Variants in PDCD6IP observed in about 807,000 individuals in gnomAD.
PDCD6IP encodes the protein programmed cell death 6-interacting protein.
Under a neutral mutation model 103.7 loss-of-function variants are expected in PDCD6IP, and 43 were observed. That is an observed-to-expected ratio of 0.41 (90% CI 0.32 to 0.53). PDCD6IP has a LOEUF of 0.53. Ranked by LOEUF, PDCD6IP falls within the 20% of genes least tolerant of loss-of-function variation. PDCD6IP has a pLI of 0.16. For synonymous variants in PDCD6IP, 354 were observed against 378.7 expected, an observed-to-expected ratio of 0.93 and a Z score of 0.76; for missense variants, 871 against 1,036.7, an observed-to-expected ratio of 0.84 and a Z score of 2.20.
At position 33,844,191 on chromosome 3, in the gene PDCD6IP, C is replaced by A; in HGVS notation, c.1439C>A (p.Pro480Gln). The change falls in exon 11 of 18, where the codon CCA becomes CAA. Residue 480 changes from proline (P) to glutamine (Q), a missense_variant. Physicochemically the swap from Pro to Gln is moderately conservative, Grantham distance 76. Around this residue, in one of 5 missense-constraint regions of PDCD6IP, gnomAD observed 266 missense variants for 390.5 expected, o/e 0.68. Transcript: ENST00000307296. Reference protein sequence around the residue: ...AKFKERWQRTPSNELYKPLRA... With the variant: ...AKFKERWQRTQSNELYKPLRA... Reference sequence around the variant, plus strand: ...TTTAAGGAACGTTGGCAAAGGACACCATCCAATGAACTGTATAAGCCTTTA... The same window carrying A: ...TTTAAGGAACGTTGGCAAAGGACACAATCCAATGAACTGTATAAGCCTTTA... 6.2e-7 allele frequency: 1 copy of A among 1,602,630 alleles called. No homozygotes were observed. Among genetic ancestry groups the A allele is most frequent in the Non-Finnish European group, 8.5e-7 (1 of 1,176,576 alleles).
rs1041600689 is a variant in PDCD6IP, at chr3:33,806,633, A to G, written c.210-5439A>G. On this transcript the variant is annotated intron_variant, in intron 1 of 17. Coordinates refer to ENST00000307296, the MANE Select transcript of PDCD6IP (RefSeq NM_013374.6). ...CCTACTTATACAAAACTTGCAGCCT[A>G]GGTCTACTTTGTTAGAGATACATCC... is the stretch of plus-strand genomic sequence containing the variant. Among the ~76,000 whole-genome samples the G allele has an allele frequency of 3.3e-5, 5 of 152,316 alleles. No individual in the cohort carries two copies. The South Asian group carries it at 8.3e-4, about 25-fold the overall frequency.
At chr3:33,826,336 T>C in intron 5 of PDCD6IP, 144 bp from the exon 6 acceptor site, 1 of 612,000 alleles carries the variant, frequency 1.6e-6, no homozygotes, top group Non-Finnish European at 2.8e-6. Flanking sequence ...ATTTTGTCTG[T>C]TCTAAATTTT....
intron 1 of PDCD6IP, among the ~76,000 whole-genome samples, chr3:33,802,545 A>C (rs1410429893): frequency 1.4e-5 from 2 of 147,714 alleles, no homozygotes; most frequent in East Asian, 2.0e-4. Flanking sequence ...GCTGGAGTGC[A>C]GTGGCATGAT....
At chr3:33,808,952 T>C (rs1239335940) in intron 1 of PDCD6IP, among the ~76,000 whole-genome samples, 1 of 152,204 alleles carries the variant, frequency 6.6e-6, no homozygotes, top group South Asian at 2.1e-4. Context: ...TCCCAGGGTA[T>C]TGGCACTTGA....
At position 33,821,048 on chromosome 3, in the gene PDCD6IP, T is replaced by C. The variant is rs182014842; in HGVS notation, c.335-907T>C. Among the ~76,000 whole-genome samples the C allele has an allele frequency of 3.9e-5, 6 of 152,290 alleles. No individual in the cohort carries two copies. The East Asian group carries it at 7.7e-4, about 20-fold the overall frequency. ...TTGAGACAGGGTCTTGCTCTGACGC[T>C]CAGGGTGAAGTGTAGTGGCATGATC... On this transcript the variant is annotated intron_variant, in intron 3 of 17. Coordinates refer to ENST00000307296, the MANE Select transcript of PDCD6IP (RefSeq NM_013374.6).
At chr3:33,841,629 G>A (rs1461809454) in intron 9 of PDCD6IP, among the ~76,000 whole-genome samples, 2 of 150,778 alleles carry the variant, frequency 1.3e-5, no homozygotes, top group Non-Finnish European at 3.0e-5. Context: ...TAGTAGAGAC[G>A]GGGTTTCACC....
chr3:33,841,110 C>G (rs924520899), intron 9 of PDCD6IP, among the ~76,000 whole-genome samples: 3 of 151,312 alleles, frequency 2.0e-5, no homozygotes, highest in Admixed American at 6.6e-5. Flanking sequence ...TCACTGCAAC[C>G]TTCGCCTCCC....
intron 4 of PDCD6IP, among the ~76,000 whole-genome samples, chr3:33,822,293 A>T (rs1697010600): frequency 6.6e-6 from 1 of 152,220 alleles, no homozygotes; most frequent in Non-Finnish European, 1.5e-5. Context: ...TATACCGAGC[A>T]CCTAGCACAG....
chr3:33,823,868 A>G (rs1697050962), intron 4 of PDCD6IP, among the ~76,000 whole-genome samples: 1 of 152,198 alleles, frequency 6.6e-6, no homozygotes, highest in Non-Finnish European at 1.5e-5. Flanking sequence ...TAGTTAGTAT[A>G]TGAGATTTTA....
intron 1 of PDCD6IP, among the ~76,000 whole-genome samples, chr3:33,802,823 T>C (rs1335378074): frequency 6.6e-6 from 1 of 152,190 alleles, no homozygotes; most frequent in Non-Finnish European, 1.5e-5. Context: ...TGAACCTACC[T>C]TCAGAGTAGA....
At chr3:33,816,242 C>T (rs1192109195) in intron 3 of PDCD6IP, among the ~76,000 whole-genome samples, 1 of 152,116 alleles carries the variant, frequency 6.6e-6, no homozygotes, top group South Asian at 2.1e-4. Flanking sequence ...TGCGGTGGCT[C>T]ACGCCTGTAA....
intron 9 of PDCD6IP, among the ~76,000 whole-genome samples, chr3:33,838,750 GTA>G (rs890070911): frequency 8.0e-5 from 12 of 150,336 alleles, no homozygotes; most frequent in Admixed American, 2.6e-4. Flanking sequence ...ATTATTATAT[GTA>G]TATGTGTGTG....
chr3:33,861,679 TGA>T (rs1697959586), intron 15 of PDCD6IP, among the ~76,000 whole-genome samples: 1 of 152,238 alleles, frequency 6.6e-6, no homozygotes, highest in Admixed American at 6.5e-5. Context: ...TAGCAATATA[TGA>T]GAGTCCTGGT....
chr3:33,846,685 TAG>T (rs1697599839), intron 12 of PDCD6IP, among the ~76,000 whole-genome samples: 1 of 152,200 alleles, frequency 6.6e-6, no homozygotes, highest in Non-Finnish European at 1.5e-5. Flanking sequence ...TGGCTGTGTC[TAG>T]AGAGTTATCC....
chr3:33,816,646 G>GA (rs1316530758), intron 3 of PDCD6IP, among the ~76,000 whole-genome samples: 1 of 152,048 alleles, frequency 6.6e-6, no homozygotes, highest in Non-Finnish European at 1.5e-5. Flanking sequence ...GGATTTAGCA[G>GA]AGAGAAGTTT....
intron 13 of PDCD6IP, 88 bp downstream of exon 13, chr3:33,852,824 G>T: frequency 1.4e-6 from 2 of 1,399,238 alleles, no homozygotes; most frequent in East Asian, 2.6e-5. Context: ...TTAGGAAAAT[G>T]ACATTGGAGA....
chr3:33,836,448 A>G (rs905649611), intron 8 of PDCD6IP, among the ~76,000 whole-genome samples, 182 bp downstream of exon 8: 1 of 152,264 alleles, frequency 6.6e-6, no homozygotes, highest in African/African-American at 2.4e-5. Flanking sequence ...GTAAACAATA[A>G]TAAAGCATAT....
chr3:33,863,709 T>C (rs1049167560), intron 15 of PDCD6IP, among the ~76,000 whole-genome samples: 1 of 152,228 alleles, frequency 6.6e-6, no homozygotes, highest in African/African-American at 2.4e-5. Flanking sequence ...TTGGAAGTGC[T>C]GCAATAAACA....
intron 12 of PDCD6IP, among the ~76,000 whole-genome samples, chr3:33,851,638 AT>A (rs930296269): frequency 3.5e-4 from 51 of 146,734 alleles, no homozygotes; most frequent in East Asian, 1.4e-3. Context: ...CACCCAACTA[AT>A]TTTTTTTTTT....
Sources: gnomAD v4.1 joint callset for allele counts (sites outside exome capture counted in the v4.1 genomes callset) on GRCh38, gnomAD v4.1.1 for gene constraint, gnomAD v4.1.1 regional missense constraint, MANE v1.5 for transcripts, NCBI Gene and HGNC (gene_info 2026-07-23, HGNC 2026-07-21) for gene names.